Variants in ARB2A observed in about 807,000 individuals in gnomAD.
ARB2A encodes the protein ARB2 cotranscriptional regulator A, also known as cotranscriptional regulator ARB2A.
At chr5:93,909,233 ATG>A in the ARB2A span, among the ~76,000 whole-genome samples, 945 of 151,254 alleles carry the variant, frequency 6.2e-3, 11 homozygotes, top group African/African-American at 0.022. Context: ...CCCTTTCCTA[ATG>A]TGCCACTTCA....
At chr5:93,824,453 A>C in the ARB2A span, among the ~76,000 whole-genome samples, 8 of 152,152 alleles carry the variant, frequency 5.3e-5, no homozygotes, top group Non-Finnish European at 1.2e-4. Flanking sequence ...GGACTTCAAA[A>C]AGTTTGTAAA....
chr5:93,971,412 A>G, the ARB2A span, among the ~76,000 whole-genome samples: 24 of 152,014 alleles, frequency 1.6e-4, no homozygotes, highest in East Asian at 9.8e-4. Flanking sequence ...TACTAAAAAT[A>G]CAAAATTAGC....
chr5:93,696,436 ATC>A, the ARB2A span, among the ~76,000 whole-genome samples: 2 of 152,124 alleles, frequency 1.3e-5, no homozygotes, highest in African/African-American at 4.8e-5. Context: ...AGTTTAATGG[ATC>A]TCTCCTTCTC....
At chr5:93,675,422 C>T in the ARB2A span, among the ~76,000 whole-genome samples, 3 of 152,128 alleles carry the variant, frequency 2.0e-5, no homozygotes, top group Admixed American at 2.0e-4. Context: ...AAGCTCACAG[C>T]AGTACTAGAT....
At chr5:93,735,926 G>T in the ARB2A span, 3 of 151,980 alleles carry the variant, frequency 2.0e-5, no homozygotes, top group Non-Finnish European at 4.4e-5. Flanking sequence ...TCACTGTAGT[G>T]AGTTTGGTCC....
At chr5:93,805,169 A>G in the ARB2A span, 1 of 984,980 alleles carries the variant, frequency 1.0e-6, no homozygotes, top group Non-Finnish European at 1.2e-6. Context: ...CACCAATCTA[A>G]ATATATGATG....
At chr5:93,711,906 T>C in the ARB2A span, among the ~76,000 whole-genome samples, 1 of 152,182 alleles carries the variant, frequency 6.6e-6, no homozygotes, top group Non-Finnish European at 1.5e-5. Context: ...TAGTCTGAGG[T>C]TGTGGTCTTG....
chr5:94,088,591 G>A, the ARB2A span, among the ~76,000 whole-genome samples: 1 of 152,146 alleles, frequency 6.6e-6, no homozygotes, highest in African/African-American at 2.4e-5. Flanking sequence ...TGAGGCAGCA[G>A]ATATCAGGAG....
chr5:93,787,123 TGAG>T, the ARB2A span, among the ~76,000 whole-genome samples: 7 of 152,184 alleles, frequency 4.6e-5, no homozygotes, highest in African/African-American at 1.7e-4. Flanking sequence ...AATATTTTTT[TGAG>T]GAGAAGATCT....
chr5:93,794,824 G>C, the ARB2A span, among the ~76,000 whole-genome samples: 1 of 152,190 alleles, frequency 6.6e-6, no homozygotes, highest in East Asian at 1.9e-4. Flanking sequence ...TAGCAAGGGA[G>C]TGAAGTGGAC....
chr5:93,779,122 TGTGCGC>T, the ARB2A span, among the ~76,000 whole-genome samples: 229 of 147,368 alleles, frequency 1.6e-3, 4 homozygotes, highest in East Asian at 0.037. Context: ...TGTGTGTGTG[TGTGCGC>T]GCGCGCGCGC....
the ARB2A span, among the ~76,000 whole-genome samples, chr5:93,941,563 C>G: frequency 6.6e-6 from 1 of 152,176 alleles, no homozygotes; most frequent in East Asian, 1.9e-4. Context: ...CAAAAACCTA[C>G]ACCCTTTCTT....
the ARB2A span, among the ~76,000 whole-genome samples, chr5:93,691,955 C>T: frequency 1.1e-4 from 17 of 152,176 alleles, no homozygotes; most frequent in Admixed American, 5.2e-4. Flanking sequence ...AAATAAAATC[C>T]CTTACAGATA....
the ARB2A span, among the ~76,000 whole-genome samples, chr5:93,708,604 C>A: frequency 1.3e-5 from 2 of 152,180 alleles, no homozygotes; most frequent in African/African-American, 4.8e-5. Context: ...CTCTGCTGAT[C>A]TGACAGGAGG....
the ARB2A span, among the ~76,000 whole-genome samples, chr5:93,811,603 T>C: frequency 6.6e-6 from 1 of 152,124 alleles, no homozygotes; most frequent in African/African-American, 2.4e-5. Flanking sequence ...CACAGGTACT[T>C]GATGAGAAGG....
the ARB2A span, among the ~76,000 whole-genome samples, chr5:93,996,760 T>C: frequency 1.3e-5 from 2 of 152,116 alleles, no homozygotes; most frequent in Non-Finnish European, 2.9e-5. Flanking sequence ...AATTTGTTGT[T>C]ATATTCTAGG....
the ARB2A span, among the ~76,000 whole-genome samples, chr5:93,686,064 A>T: frequency 1.3e-5 from 2 of 152,258 alleles, no homozygotes; most frequent in Non-Finnish European, 2.9e-5. Flanking sequence ...AGCTGCTATC[A>T]CATATTAAAA....
the ARB2A span, among the ~76,000 whole-genome samples, chr5:93,833,953 T>C: frequency 6.6e-6 from 1 of 152,186 alleles, no homozygotes; most frequent in East Asian, 1.9e-4. Flanking sequence ...GAGTGTAGTA[T>C]TCAACAGTTA....
At chr5:94,061,033 T>C in the ARB2A span, among the ~76,000 whole-genome samples, 1 of 152,118 alleles carries the variant, frequency 6.6e-6, no homozygotes, top group African/African-American at 2.4e-5. Context: ...GGTCAGGATA[T>C]CAAGATCATC....
Sources: gnomAD v4.1 joint callset for allele counts (sites outside exome capture counted in the v4.1 genomes callset) on GRCh38, gnomAD v4.1.1 for gene constraint, MANE v1.5 for transcripts, NCBI Gene and HGNC (gene_info 2026-07-23, HGNC 2026-07-21) for gene names.